The following MAF variants were observed in gnomAD, a reference collection of about 807,000 sequenced individuals.
The protein encoded by MAF is transcription factor Maf.
MAF carries 10 observed loss-of-function variants against 22.0 expected under a neutral mutation model. The observed-to-expected ratio is 0.45, with a 90% CI of 0.28 to 0.77. The LOEUF (loss-of-function observed/expected upper bound fraction) is 0.77. Among genes scored for constraint, MAF ranks in the 30% least tolerant of loss-of-function variants. The probability of loss-of-function intolerance (pLI) is 0.12; values close to 1 mark genes in which losing one functional copy is unlikely to be tolerated. For missense variants in MAF, 544 were observed against 548.4 expected, an observed-to-expected ratio of 0.99 and a Z score of 0.08; for synonymous variants, 337 against 255.8, an observed-to-expected ratio of 1.32 and a Z score of -3.03.
At chr16:79,403,301 G>C in the MAF span, among the ~76,000 whole-genome samples, 2 of 152,204 alleles carry the variant, frequency 1.3e-5, no homozygotes, top group Non-Finnish European at 2.9e-5. Flanking sequence ...GAGCGGTATA[G>C]GGGCTCAGTG....
At chr16:79,501,095 A>G in the MAF span, among the ~76,000 whole-genome samples, 1 of 152,118 alleles carries the variant, frequency 6.6e-6, no homozygotes, top group African/African-American at 2.4e-5. Flanking sequence ...CCAGTTCTAG[A>G]AGTCCTAAAT....
At chr16:79,423,639 A>G in the MAF span, among the ~76,000 whole-genome samples, 2 of 152,234 alleles carry the variant, frequency 1.3e-5, no homozygotes, top group African/African-American at 4.8e-5. Flanking sequence ...GGCAGTTTCA[A>G]CAGAGATAGC....
chr16:79,527,971 A>G, the MAF span, among the ~76,000 whole-genome samples: 1 of 152,034 alleles, frequency 6.6e-6, no homozygotes, highest in African/African-American at 2.4e-5. Flanking sequence ...GCAAAACCCC[A>G]TCTCTACTAA....
chr16:79,337,972 T>C, the MAF span, among the ~76,000 whole-genome samples: 1 of 152,186 alleles, frequency 6.6e-6, no homozygotes, highest in African/African-American at 2.4e-5. Context: ...GCACTTCAGA[T>C]TGAATGGGCA....
chr16:79,268,154 C>T, the MAF span, among the ~76,000 whole-genome samples: 9 of 152,104 alleles, frequency 5.9e-5, no homozygotes, highest in Non-Finnish European at 1.0e-4. Flanking sequence ...TCTGTTATGC[C>T]CTCCATGACC....
chr16:79,578,324 C>G, the MAF span, among the ~76,000 whole-genome samples: 3 of 151,894 alleles, frequency 2.0e-5, no homozygotes, highest in Non-Finnish European at 4.4e-5. Context: ...CCATTTTGCC[C>G]CAGAGAGTCA....
chr16:79,220,230 T>C, the MAF span, among the ~76,000 whole-genome samples: 1 of 116,786 alleles, frequency 8.6e-6, no homozygotes, highest in Admixed American at 1.2e-4. Flanking sequence ...CACTCCAGCC[T>C]GGGCAACAGA....
At chr16:79,586,074 G>T (rs1046483113) in intron 1 of MAF, 12 of 532,336 alleles carry the variant, frequency 2.3e-5, no homozygotes, top group African/African-American at 2.2e-4. Flanking sequence ...GAGTGATTTT[G>T]TTCCATTTGC....
the MAF span, among the ~76,000 whole-genome samples, chr16:79,250,902 C>G: frequency 2.6e-5 from 4 of 152,308 alleles, no homozygotes; most frequent in East Asian, 3.9e-4. Context: ...CAGTCCCAAG[C>G]AGACTGGACA....
At chr16:79,342,008 G>A in the MAF span, among the ~76,000 whole-genome samples, 8 of 152,180 alleles carry the variant, frequency 5.3e-5, no homozygotes, top group African/African-American at 1.9e-4. Flanking sequence ...ATTTATGATT[G>A]CCTTTGATTA....
At chr16:79,585,532 T>C (rs541602136), downstream of MAF, among the ~76,000 whole-genome samples, 1 of 151,960 alleles carries the variant, frequency 6.6e-6, no homozygotes, top group Admixed American at 6.6e-5. Context: ...AGCAGCTCTT[T>C]GAATGTCAGT....
chr16:79,407,300 G>T, the MAF span, among the ~76,000 whole-genome samples: 3 of 152,286 alleles, frequency 2.0e-5, no homozygotes, highest in East Asian at 5.8e-4. Context: ...TCTGTTCCAA[G>T]CACGCAGGCC....
chr16:79,467,454 T>C, the MAF span, among the ~76,000 whole-genome samples: 1 of 152,170 alleles, frequency 6.6e-6, no homozygotes, highest in Non-Finnish European at 1.5e-5. Flanking sequence ...ATCTCCCTTA[T>C]TGCAGGCAGT....
At chr16:79,351,584 C>T in the MAF span, among the ~76,000 whole-genome samples, 1 of 152,084 alleles carries the variant, frequency 6.6e-6, no homozygotes, top group Non-Finnish European at 1.5e-5. Context: ...CTCAGAGTCA[C>T]AGAGCCCAGA....
the MAF span, among the ~76,000 whole-genome samples, chr16:79,381,875 G>A: frequency 9.9e-5 from 15 of 152,216 alleles, no homozygotes; most frequent in East Asian, 2.3e-3. Context: ...CTCAACCTGC[G>A]CCTTGAAAAA....
the MAF span, among the ~76,000 whole-genome samples, chr16:79,304,238 A>G: frequency 6.6e-6 from 1 of 152,230 alleles, no homozygotes; most frequent in South Asian, 2.1e-4. Context: ...CAGAGACATC[A>G]ATGTCAGCCC....
chr16:79,390,825 T>C, the MAF span, among the ~76,000 whole-genome samples: 1 of 152,210 alleles, frequency 6.6e-6, no homozygotes, highest in Admixed American at 6.5e-5. Flanking sequence ...GGTTGGAGCA[T>C]GCCGCCGTGG....
the MAF span, among the ~76,000 whole-genome samples, chr16:79,315,636 A>C: frequency 0.76 from 115,102 of 152,138 alleles, 44,220 homozygotes; most frequent in East Asian, 0.99. Context: ...TAGGTTTCAC[A>C]TCCAACTCTG....
At chr16:79,366,659 T>C in the MAF span, among the ~76,000 whole-genome samples, 2 of 152,178 alleles carry the variant, frequency 1.3e-5, no homozygotes, top group Non-Finnish European at 2.9e-5. Flanking sequence ...AGCATGCAAT[T>C]TGCCATGACT....
Sources: gnomAD v4.1 joint callset for allele counts (sites outside exome capture counted in the v4.1 genomes callset) on GRCh38, gnomAD v4.1.1 for gene constraint, MANE v1.5 for transcripts, NCBI Gene and HGNC (gene_info 2026-07-23, HGNC 2026-07-21) for gene names.